The following UNC79 variants were observed in gnomAD, a reference collection of about 807,000 sequenced individuals.
UNC79 encodes unc-79 subunit of NALCN channel complex.
UNC79 carries 37 observed loss-of-function variants against 283.1 expected under a neutral mutation model. That is an observed-to-expected ratio of 0.13 (90% CI 0.10 to 0.17). The LOEUF is 0.17. UNC79 is among the 10% of genes least tolerant of loss of function. UNC79 has a pLI of 1.00. For synonymous variants in UNC79, 1,107 were observed against 1,200.2 expected (o/e 0.92, Z 1.61); for missense variants, 2,272 against 3,211.1 (o/e 0.71, Z 7.07).
chr14:93,368,984 C>A (rs2054391081), intron 1 of UNC79, among the ~76,000 whole-genome samples: 1 of 152,186 alleles, frequency 6.6e-6, no homozygotes, highest in African/African-American at 2.4e-5. Flanking sequence ...CTGGAGAAGA[C>A]AAATGCCCTT....
intron 42 of UNC79, among the ~76,000 whole-genome samples, chr14:93,684,768 C>T (rs989357440): frequency 2.0e-5 from 3 of 152,078 alleles, no homozygotes; most frequent in Non-Finnish European, 4.4e-5. Context: ...ACATGTGTTG[C>T]TTTTATAATC....
intron 7 of UNC79, among the ~76,000 whole-genome samples, chr14:93,506,183 T>C (rs904757130): frequency 6.6e-6 from 1 of 152,104 alleles, no homozygotes; most frequent in African/African-American, 2.4e-5. Flanking sequence ...AAAATGTTTG[T>C]TTTGCCTTTG....
In UNC79 at chr14:93,463,931, C is replaced by T. The variant is rs546201575; in HGVS notation, c.23-3740C>T. ...TTGGGAGGCGGAGGCGGGCGGATCA[C>T]GAGGTCAGGAGATTGAGACCATACT... On this transcript the variant is annotated intron_variant, in intron 1 of 48. Coordinates refer to ENST00000555664, the Ensembl canonical transcript of UNC79. 1.1e-3 allele frequency among the ~76,000 whole-genome samples: 164 copies of T among 152,192 alleles called. 3 individuals carry two copies. Among genetic ancestry groups the T allele is most frequent in the East Asian group, 1.9e-4 (1 of 5,158 alleles).
At chr14:93,466,738 G>A in intron 1 of UNC79, 1 of 521,324 alleles carries the variant, frequency 1.9e-6, no homozygotes, top group Non-Finnish European at 2.5e-6. Context: ...AGATTGAAAG[G>A]ACAAATGGAC....
chr14:93,489,044 C>T (rs930402207), intron 5 of UNC79, among the ~76,000 whole-genome samples: 6 of 152,156 alleles, frequency 3.9e-5, no homozygotes, highest in Non-Finnish European at 5.9e-5. Flanking sequence ...CTGGCTCAAG[C>T]GATTCTCCTT....
At chr14:93,495,318 A>G (rs2058966987) in intron 5 of UNC79, among the ~76,000 whole-genome samples, 1 of 152,238 alleles carries the variant, frequency 6.6e-6, no homozygotes, top group Non-Finnish European at 1.5e-5. Context: ...CCTTCTTCAC[A>G]TGGTGGCAGC....
intron 1 of UNC79, among the ~76,000 whole-genome samples, chr14:93,344,331 G>GA (rs2139888597): frequency 6.6e-6 from 1 of 152,296 alleles, no homozygotes; most frequent in East Asian, 1.9e-4. Context: ...GTTAGCAATA[G>GA]AAATGCAGCA....
chr14:93,356,185 G>C (rs1053525058), intron 1 of UNC79, among the ~76,000 whole-genome samples: 4 of 152,004 alleles, frequency 2.6e-5, no homozygotes, highest in African/African-American at 9.7e-5. Flanking sequence ...CTGCCACCAC[G>C]CCTGGCTAAT....
intron 38 of UNC79, among the ~76,000 whole-genome samples, chr14:93,657,839 C>T (rs879916568): frequency 6.6e-6 from 1 of 152,116 alleles, no homozygotes; most frequent in African/African-American, 2.4e-5. Flanking sequence ...GAATTGAGAC[C>T]CTTAGGAACT....
chr14:93,549,554 T>C (rs552634029), intron 14 of UNC79, among the ~76,000 whole-genome samples: 29 of 152,346 alleles, frequency 1.9e-4, no homozygotes, highest in African/African-American at 7.0e-4. Flanking sequence ...ATTTAATTTA[T>C]ATATGTTAAA....
intron 26 of UNC79, among the ~76,000 whole-genome samples, chr14:93,611,844 T>TAA (rs533668224): frequency 2.8e-5 from 4 of 144,742 alleles, no homozygotes; most frequent in Non-Finnish European, 6.1e-5. Flanking sequence ...TGTTTCTTAT[T>TAA]AAAAAAAAAA....
intron 26 of UNC79, among the ~76,000 whole-genome samples, chr14:93,606,060 T>C (rs958777089): frequency 1.3e-5 from 2 of 152,238 alleles, no homozygotes; most frequent in African/African-American, 4.8e-5. Flanking sequence ...TGAGGCATTT[T>C]TGAGATTGTT....
intron 1 of UNC79, among the ~76,000 whole-genome samples, chr14:93,435,323 G>T (rs2056044956): frequency 6.6e-6 from 1 of 152,162 alleles, no homozygotes. Flanking sequence ...ACTAGTTGCT[G>T]CATTCCTGAT....
At chr14:93,440,179 A>G (rs1285130984) in intron 1 of UNC79, among the ~76,000 whole-genome samples, 1 of 151,572 alleles carries the variant, frequency 6.6e-6, no homozygotes, top group Non-Finnish European at 1.5e-5. Flanking sequence ...ATATGCAAAT[A>G]CTATATAATT....
chr14:93,368,719 G>T (rs368820460), intron 1 of UNC79, among the ~76,000 whole-genome samples: 1 of 152,104 alleles, frequency 6.6e-6, no homozygotes, highest in Non-Finnish European at 1.5e-5. Context: ...TGATCCACCC[G>T]CCTCAGCCTT....
At chr14:93,582,456 A>G in intron 20 of UNC79, 112 bp downstream of exon 20, 1 of 1,439,902 alleles carries the variant, frequency 6.9e-7, no homozygotes, top group Non-Finnish European at 9.2e-7. Context: ...TGGTTTCCTT[A>G]GTATAGACTC....
rs544447446 is a variant in UNC79, at chr14:93,607,668, G to A, written c.3754+4250G>A. On this transcript the variant is annotated intron_variant, in intron 26 of 48. Coordinates refer to ENST00000555664, the Ensembl canonical transcript of UNC79. ...AGTTAGGACCCCAGATTGGTCCAGA[G>A]CTATCCCCATCTCTCGTGGGACTCG... Among the ~76,000 whole-genome samples the A allele has an allele frequency of 3.3e-5, 5 of 152,312 alleles. No homozygotes were observed. The South Asian group carries it at 1.0e-3, about 32-fold the overall frequency.
chr14:93,680,393 T>C (rs1250482218), intron 41 of UNC79, among the ~76,000 whole-genome samples: 1 of 152,196 alleles, frequency 6.6e-6, no homozygotes, highest in Admixed American at 6.5e-5. Context: ...TAAACCATCC[T>C]TATAGAGACA....
chr14:93,692,094 T>A, intron 46 of UNC79, 148 bp downstream of exon 49: 4 of 936,944 alleles, frequency 4.3e-6, no homozygotes, highest in Non-Finnish European at 6.4e-6. Flanking sequence ...CTGGATGTTC[T>A]GCTTGCATAA....
Sources: allele counts gnomAD v4.1 joint callset (sites outside exome capture counted in the v4.1 genomes callset), GRCh38; gene constraint gnomAD v4.1.1; transcripts MANE v1.5; gene names NCBI Gene and HGNC (gene_info 2026-07-23, HGNC 2026-07-21).